The following ANO10 variants were observed in gnomAD, a reference collection of about 807,000 sequenced individuals.
ANO10 encodes the protein anoctamin-10.
A neutral mutation model predicts 74.7 loss-of-function variants in ANO10; 77 were observed. That is an observed-to-expected ratio of 1.03 (90% CI 0.86 to 1.25). The LOEUF (loss-of-function observed/expected upper bound fraction) is 1.25. Among genes scored for constraint, ANO10 ranks in the 50% most tolerant of loss-of-function variants. The pLI, the probability that ANO10 is intolerant of heterozygous loss-of-function variation, is 0.00. For missense variants in ANO10, 721 were observed against 778.1 expected, an observed-to-expected ratio of 0.93 and a Z score of 0.87; for synonymous variants, 279 against 284.9, an observed-to-expected ratio of 0.98 and a Z score of 0.21.
intron 11 of ANO10, among the ~76,000 whole-genome samples, chr3:43,531,253 T>C (rs927140065): frequency 2.6e-5 from 4 of 152,218 alleles, no homozygotes; most frequent in Admixed American, 1.3e-4. Flanking sequence ...TTATTTTACT[T>C]TGGAGAAATG....
intron 12 of ANO10, among the ~76,000 whole-genome samples, chr3:43,380,123 C>T (rs1282663325): frequency 6.6e-6 from 1 of 151,702 alleles, no homozygotes; most frequent in Non-Finnish European, 1.5e-5. Flanking sequence ...TCAAATTAAC[C>T]CCATCTGACA....
intron 1 of ANO10, among the ~76,000 whole-genome samples, chr3:43,679,297 C>T (rs905634044): frequency 1.5e-4 from 23 of 152,194 alleles, no homozygotes; most frequent in East Asian, 1.2e-3. Flanking sequence ...GATTATATCC[C>T]GTGCATGGCT....
intron 1 of ANO10, among the ~76,000 whole-genome samples, chr3:43,640,872 C>T (rs748826169): frequency 3.9e-5 from 6 of 152,056 alleles, no homozygotes; most frequent in African/African-American, 7.2e-5. Context: ...CCCAGTCATG[C>T]GAGTAAACAG....
At chr3:43,449,906 A>G (rs1024984787) in intron 11 of ANO10, among the ~76,000 whole-genome samples, 4 of 152,136 alleles carry the variant, frequency 2.6e-5, no homozygotes, top group Non-Finnish European at 5.9e-5. Flanking sequence ...GAATCCTCCC[A>G]TCCATAAACA....
At chr3:43,627,371 G>A (rs1347531378) in intron 1 of ANO10, among the ~76,000 whole-genome samples, 2 of 152,274 alleles carry the variant, frequency 1.3e-5, no homozygotes, top group Non-Finnish European at 2.9e-5. Context: ...AGTCTACCAA[G>A]GAAGCTGCTG....
At chr3:43,391,596 G>A (rs545952332) in intron 12 of ANO10, among the ~76,000 whole-genome samples, 5 of 152,298 alleles carry the variant, frequency 3.3e-5, no homozygotes, top group Admixed American at 6.5e-5. Context: ...CAGTAAAAGC[G>A]ACAGGCTCAC....
chr3:43,449,609 A>G (rs1002546701), intron 11 of ANO10, among the ~76,000 whole-genome samples: 2 of 149,636 alleles, frequency 1.3e-5, no homozygotes, highest in African/African-American at 4.9e-5. Context: ...GCCTTTGCCA[A>G]TAGTAGATCT....
At chr3:43,468,788 G>A (rs1048988977) in intron 11 of ANO10, among the ~76,000 whole-genome samples, 2 of 150,212 alleles carry the variant, frequency 1.3e-5, no homozygotes, top group Non-Finnish European at 3.0e-5. Flanking sequence ...TCGGCTCACT[G>A]CAACCTCCGC....
At chr3:43,546,887 G>A (rs558552066) in intron 11 of ANO10, among the ~76,000 whole-genome samples, 1 of 152,206 alleles carries the variant, frequency 6.6e-6, no homozygotes, top group Admixed American at 6.5e-5. Context: ...AAGAAATAAC[G>A]GCTATAAAGT....
chr3:43,379,363 G>A (rs1210435071), intron 12 of ANO10, among the ~76,000 whole-genome samples: 2 of 152,190 alleles, frequency 1.3e-5, no homozygotes, highest in Non-Finnish European at 2.9e-5. Context: ...GAAGAAGTGA[G>A]GAGTGAGCCC....
intron 5 of ANO10, 56 bp downstream of exon 5, chr3:43,580,297 G>A (rs1048039125): frequency 2.7e-5 from 44 of 1,609,772 alleles, no homozygotes; most frequent in Middle Eastern, 1.7e-4. Context: ...CTGCTAGATC[G>A]TAACTTTTCA....
chr3:43,485,042 A>G (rs937269221), intron 11 of ANO10: 33 of 1,409,232 alleles, frequency 2.3e-5, no homozygotes, highest in Non-Finnish European at 3.0e-5. Context: ...CCGGTGGGGC[A>G]GCAGGAACTT....
At chr3:43,685,064 TA>T (rs1156753044) in intron 1 of ANO10, among the ~76,000 whole-genome samples, 1 of 152,208 alleles carries the variant, frequency 6.6e-6, no homozygotes, top group Non-Finnish European at 1.5e-5. Context: ...ACATGTACCC[TA>T]AAACTTAAAG....
intron 12 of ANO10, among the ~76,000 whole-genome samples, chr3:43,380,143 A>C (rs1056797925): frequency 6.6e-6 from 1 of 152,206 alleles, no homozygotes; most frequent in Non-Finnish European, 1.5e-5. Context: ...AAAGAAAAAG[A>C]ATTTAAAAAA....
intron 11 of ANO10, among the ~76,000 whole-genome samples, chr3:43,468,714 CT>C (rs202046317): frequency 1.9e-3 from 274 of 141,274 alleles, no homozygotes; most frequent in Middle Eastern, 3.7e-3. Flanking sequence ...TTTTTGTTTT[CT>C]TTTTTTTTTT....
intron 11 of ANO10, among the ~76,000 whole-genome samples, chr3:43,446,294 T>C (rs1188311322): frequency 6.6e-6 from 1 of 152,194 alleles, no homozygotes; most frequent in Admixed American, 6.5e-5. Flanking sequence ...TTTGCTTTAA[T>C]GTAACCTTTG....
chr3:43,614,441 T>TA (rs1282329827), intron 1 of ANO10, among the ~76,000 whole-genome samples: 1 of 151,244 alleles, frequency 6.6e-6, no homozygotes. Flanking sequence ...CAACAGAAAA[T>TA]AAAAAAACAT....
chr3:43,636,249 A>G (rs1367900909), intron 1 of ANO10: 1 of 152,256 alleles, frequency 6.6e-6, no homozygotes. Flanking sequence ...CATAGGAGAC[A>G]CCTGCACATC....
intron 12 of ANO10, among the ~76,000 whole-genome samples, chr3:43,400,013 A>C (rs971987145): frequency 6.6e-6 from 1 of 152,186 alleles, no homozygotes; most frequent in South Asian, 2.1e-4. Flanking sequence ...TCATCTCCCA[A>C]CAGCTGGCTG....
Sources: gnomAD v4.1 joint callset for allele counts (sites outside exome capture counted in the v4.1 genomes callset) on GRCh38, gnomAD v4.1.1 for gene constraint, MANE v1.5 for transcripts, NCBI Gene and HGNC (gene_info 2026-07-23, HGNC 2026-07-21) for gene names.